The following RIPK4 variants were observed in gnomAD, a reference collection of about 807,000 sequenced individuals.
The protein encoded by RIPK4 is receptor-interacting serine/threonine-protein kinase 4.
In RIPK4, 17 loss-of-function variants were observed where a neutral mutation model predicts 42.9. That is an observed-to-expected ratio of 0.40 (90% confidence interval 0.27 to 0.59). RIPK4 has a LOEUF of 0.59. RIPK4 is among the 20% of genes least tolerant of loss of function. RIPK4 has a pLI of 0.47. For missense variants in RIPK4, 897 were observed against 1,104.4 expected (o/e 0.81, Z 2.66); for synonymous variants, 498 against 499.1 (o/e 1.00, Z 0.03).
Position 41,756,673 on chromosome 21 carries a change from G to A in RIPK4, c.326C>T (p.Ala109Val), listed in dbSNP as rs749072810. Residue 109 changes from alanine (A) to valine (V), a missense_variant, in exon 2 of 8, where the codon GCT becomes GTT. Ala to Val is a moderately conservative substitution (Grantham distance 64). Coordinates refer to ENST00000332512, the MANE Select transcript of RIPK4 (RefSeq NM_020639.3). ...METGSLEKLL[A>V]SEPLPWDLRF... is the part of the protein sequence containing the mutation. ...GAGATCCCATGGCAATGGCTCCGAA[G>A]CCAGCAGCTTTTCCAGGGAGCCCGT... The A allele has an allele frequency of 6.2e-7, 1 of 1,614,210 alleles. No homozygotes were observed. Among genetic ancestry groups the A allele is most frequent in the Admixed American group, 1.7e-5 (1 of 60,032 alleles).
chr21:41,741,477 C>T lies in RIPK4; in HGVS notation c.1716G>A (p.Leu572=), dbSNP rs2061153666. 6.2e-7 allele frequency: 1 copy of T among 1,612,736 alleles called. No individual in the cohort carries two copies. The highest frequency in any genetic ancestry group is 2.2e-5 in the East Asian group (1 of 44,878). The change falls in exon 8 of 8, where the codon CTG becomes CTA. Residue 572 remains leucine (L), a synonymous_variant. Coordinates refer to ENST00000332512, the MANE Select transcript of RIPK4 (RefSeq NM_020639.3). The stretch of plus-strand genomic sequence containing the variant: ...CCTGCCAGGCAGCGTAGTGCAGTGG[C>T]AGCCAGGCATCCTTGCCCTGCAGGC... The part of the protein sequence containing the change: ...DVSLQGKDAW[L]PLHYAAWQGH...
rs1260521633 is a variant in RIPK4, at chr21:41,750,969, C to T, written c.623+128G>A. On this transcript the variant is annotated intron_variant, in intron 3 of 7. Coordinates refer to ENST00000332512, the MANE Select transcript of RIPK4 (RefSeq NM_020639.3). ...CTGGGATTACAGGCGTGAGTCACCG[C>T]GCCTGGCCCGAGCCCCATTTCTGAC... 3.6e-5 allele frequency: 44 copies of T among 1,218,836 alleles called. No homozygotes were observed. The Admixed American group carries it at 4.7e-4, about 13-fold the overall frequency. The allele number at this position is 1,218,836 out of a possible 1,614,324, so 75.5% of individuals were successfully genotyped here. A position where few individuals can be genotyped will look rare whatever the true frequency, so the allele number is the denominator to read the frequency against.
rs779117847 is a variant in RIPK4 at position 41,739,765 on chromosome 21, G to A, written c.*1073C>T. 2.6e-5 allele frequency: 4 copies of A among 152,348 alleles called. No homozygotes were observed. The highest frequency in any genetic ancestry group is 3.4e-3 in the Middle Eastern group (1 of 294). The allele number at this position is 152,348 out of a possible 1,614,324, so 9.4% of individuals were successfully genotyped here. On this transcript the variant is annotated 3_prime_UTR_variant, in exon 8 of 8. Transcript: ENST00000332512. ...CCAAACTGCTGAGGTGCGGAGGCAC[G>A]TCTGCAAAGCAGGTCAGAAACACTC...
At chr21:41,764,277 G>A (rs951505720) in intron 1 of RIPK4, among the ~76,000 whole-genome samples, 6 of 152,212 alleles carry the variant, frequency 3.9e-5, no homozygotes, top group African/African-American at 1.4e-4. Context: ...CTGGCCCAGG[G>A]GAGCTGCAGG....
In RIPK4 at chr21:41,751,071, G is replaced by A. The variant is rs1471901124; in HGVS notation, c.623+26C>T. 8 of 1,604,506 alleles carry A rather than the reference G, an allele frequency of 5.0e-6. No homozygotes were observed. Among genetic ancestry groups the A allele is most frequent in the Non-Finnish European group, 8.5e-7 (1 of 1,174,012 alleles). ...GGTTGAGAGCCCCTGGCACCCACAG[G>A]GGATGGGGGGCGGCATGTCACACAC... On this transcript the variant is annotated intron_variant, in intron 3 of 7. Transcript: ENST00000332512. This position sits in a 1 kb window ranked among gnomAD's most constrained non-coding sequence, Gnocchi z 4.5.
At position 41,744,225 on chromosome 21, in the gene RIPK4, G is replaced by A. The variant is rs2061163618; in HGVS notation, c.937-85C>T. ...CATGACACAAACACAGAAGAGCAAG[G>A]TGGGCCACGGGAGGGAGATGGGGGA... On this transcript the variant is annotated intron_variant, in intron 6 of 7. Coordinates refer to ENST00000332512, the MANE Select transcript of RIPK4 (RefSeq NM_020639.3). The A allele has an allele frequency of 1.2e-5, 17 of 1,371,182 alleles. No homozygotes were observed. In the South Asian group the frequency reaches 2.4e-4, roughly 19 times the overall value. The allele number at this position is 1,371,182 out of a possible 1,614,324, so 84.9% of individuals were successfully genotyped here.
chr21:41,760,496 C>G (rs1482394679), intron 1 of RIPK4, among the ~76,000 whole-genome samples: 2 of 152,196 alleles, frequency 1.3e-5, no homozygotes, highest in Non-Finnish European at 2.9e-5. Context: ...CTGAGAGAAT[C>G]GGGAAGGCTG....
At chr21:41,763,004 C>T (rs971059302) in intron 1 of RIPK4, among the ~76,000 whole-genome samples, 3 of 152,190 alleles carry the variant, frequency 2.0e-5, no homozygotes, top group East Asian at 1.9e-4. Flanking sequence ...AGCGCAGCTA[C>T]GCTTAGGCAC....
chr21:41,764,356 A>G (rs2061230047), intron 1 of RIPK4, among the ~76,000 whole-genome samples: 1 of 152,152 alleles, frequency 6.6e-6, no homozygotes, highest in African/African-American at 2.4e-5. Context: ...CCTCACCTGC[A>G]CCTGTACCTG....
rs533493672 is a variant in RIPK4 at position 41,739,993 on chromosome 21, G to A, written c.*845C>T. ...TTCCCCAAGACTGGTGCACTCCAGC[G>A]ACCTGAGGGGGCTCGCCTCAGTCCC... is the stretch of plus-strand genomic sequence containing the variant. On this transcript the variant is annotated 3_prime_UTR_variant, in exon 8 of 8. Transcript: ENST00000332512. The A allele has an allele frequency of 3.3e-5, 5 of 152,278 alleles. No individual in the cohort carries two copies. Among genetic ancestry groups the A allele is most frequent in the South Asian group, 2.1e-4 (1 of 4,824 alleles). The allele number at this position is 152,278 out of a possible 1,614,324, so 9.4% of individuals were successfully genotyped here.
At position 41,751,626 on chromosome 21, in the gene RIPK4, G is replaced by A. The variant is rs59540921; in HGVS notation, c.475-381C>T. ...AAAAAAACAAGCCTTCGAGGGTTCA[G>A]GTAAAGAGAGACACATGTGAAGACC... On this transcript the variant is annotated intron_variant, in intron 2 of 7. Coordinates refer to ENST00000332512, the MANE Select transcript of RIPK4 (RefSeq NM_020639.3). This position sits in a 1 kb window ranked among gnomAD's most constrained non-coding sequence, Gnocchi z 4.5. 0.087 allele frequency among the ~76,000 whole-genome samples: 13,188 copies of A among 152,298 alleles called. 862 individuals are homozygous for A. Among genetic ancestry groups the A allele is most frequent in the East Asian group, 0.3 (1,547 of 5,162 alleles).
Position 41,744,116 on chromosome 21 carries a change from C to T in RIPK4, c.961G>A (p.Ala321Thr), listed in dbSNP as rs757698138. ...TCGTTATCGAAGGTGGGGGCAGAGG[C>T]CCGCTTGAGCCTCGCAGGCACCACC... Reference protein sequence around the residue: ...SEVVPARLKRASAPTFDNDYS... With the variant: ...SEVVPARLKRTSAPTFDNDYS... Residue 321 changes from alanine to threonine, a missense_variant, in exon 7 of 8, where the codon GCC (alanine) becomes ACC (threonine). Physicochemically the swap from Ala to Thr is moderately conservative, Grantham distance 58 (BLOSUM62 0). Transcript: ENST00000332512. 10 of 1,598,746 alleles carry T rather than the reference C, an allele frequency of 6.3e-6. No individual in the cohort carries two copies. The highest frequency in any genetic ancestry group is 1.8e-4 in the Middle Eastern group (1 of 5,412).
intron 1 of RIPK4, among the ~76,000 whole-genome samples, chr21:41,765,185 A>G (rs6586237): frequency 0.72 from 109,930 of 152,126 alleles, 40,097 homozygotes; most frequent in African/African-American, 0.83. Flanking sequence ...GAAAATTTTC[A>G]CTGATGATTA....
At chr21:41,761,744 A>T (rs2061220964) in intron 1 of RIPK4, among the ~76,000 whole-genome samples, 1 of 152,246 alleles carries the variant, frequency 6.6e-6, no homozygotes, top group Non-Finnish European at 1.5e-5. Context: ...TGTCAATCAA[A>T]GGAAGGCTGA....
chr21:41,742,823 C>T lies in RIPK4; in HGVS notation c.1196-826G>A, dbSNP rs2061158778. ...CAAGATGTCATTTCAGAGTATTAGA[C>T]CCAAAGAGAATGTTCTAGAACGTAC... is the stretch of plus-strand genomic sequence containing the variant. On this transcript the variant is annotated intron_variant, in intron 7 of 7. Coordinates refer to ENST00000332512, the MANE Select transcript of RIPK4 (RefSeq NM_020639.3). The surrounding 1 kb of genome is among the most constrained non-coding windows in gnomAD (Gnocchi z 5.1). 6.6e-6 allele frequency among the ~76,000 whole-genome samples: 1 copy of T among 152,072 alleles called. No individual in the cohort carries two copies. The highest frequency in any genetic ancestry group is 2.4e-5 in the African/African-American group (1 of 41,392).
At chr21:41,766,209 C>G (rs2061235842) in intron 1 of RIPK4, among the ~76,000 whole-genome samples, 1 of 152,180 alleles carries the variant, frequency 6.6e-6, no homozygotes, top group Admixed American at 6.5e-5. Context: ...GGCCCCGTGC[C>G]GGACCCCACT....
rs116160025 is a variant in RIPK4, at chr21:41,741,252, C to T, written c.1941G>A (p.Thr647=). ...GCAGCCTGGCAGTGCTCGTGTGCCC[C>T]GTCTCCGCGGCCACGTGCAGGGGTG... ...AQTPLHVAAE[T]GHTSTARLLL... is the part of the protein sequence containing the mutation. The change falls in exon 8 of 8, where the codon ACG becomes ACA. Residue 647 remains threonine (T), a synonymous_variant. Transcript: ENST00000332512. 895 of 1,608,690 alleles carry T rather than the reference C, an allele frequency of 5.6e-4. 6 individuals carry two copies. In the African/African-American group the frequency reaches 0.011, roughly 19 times the overall value.
chr21:41,749,887 AT>A (rs1021085744), intron 3 of RIPK4, among the ~76,000 whole-genome samples: 4 of 138,166 alleles, frequency 2.9e-5, no homozygotes, highest in African/African-American at 8.5e-5. Flanking sequence ...GCCCAAATTG[AT>A]TAAAAAAAAA....
chr21:41,761,954 C>T (rs931176692), intron 1 of RIPK4, among the ~76,000 whole-genome samples: 1 of 152,150 alleles, frequency 6.6e-6, no homozygotes, highest in Non-Finnish European at 1.5e-5. Context: ...CTCCCTGCCC[C>T]GGGCTCTTTC....
Sources: gnomAD v4.1 joint callset for allele counts (sites outside exome capture counted in the v4.1 genomes callset) on GRCh38, gnomAD v4.1.1 for gene constraint, Gnocchi (gnomAD v3.1) non-coding constraint, MANE v1.5 for transcripts, NCBI Gene and HGNC (gene_info 2026-07-23, HGNC 2026-07-21) for gene names.